DUT: variants seen among roughly 807,000 people sequenced by gnomAD.
DUT encodes the protein deoxyuridine 5'-triphosphate nucleotidohydrolase, mitochondrial.
A neutral mutation model predicts 28.8 loss-of-function variants in DUT; 21 were observed. That is an observed-to-expected ratio of 0.73 (90% confidence interval 0.52 to 1.05). The LOEUF is 1.05. DUT is among the 50% of genes least tolerant of loss of function. DUT has a pLI of 0.00. For missense variants in DUT, 344 were observed against 351.8 expected (o/e 0.98, Z 0.18); for synonymous variants, 147 against 143.7 (o/e 1.02, Z -0.17).
At chr15:48,338,571 A>T (rs749019472) in intron 4 of DUT, among the ~76,000 whole-genome samples, 1 of 152,250 alleles carries the variant, frequency 6.6e-6, no homozygotes. Context: ...TCAGGGAATG[A>T]AAAGTAAGGC....
upstream of DUT, chr15:48,331,253 A>G (rs533071103): frequency 4.6e-5 from 67 of 1,470,196 alleles, no homozygotes; most frequent in African/African-American, 8.9e-4. Context: ...TGGGGGCCAG[A>G]GCAAACAAGA....
Position 48,341,500 on chromosome 15 carries a change from ATTCT to A in DUT, c.632-8_632-5del. ...GTGTCAGTAACGTCAGTAATAAACT[ATTCT>A]TTCTTTGAAGTCAAAAAAGGTGATC... On this transcript the variant is annotated splice_polypyrimidine_tract_variant and intron_variant, in intron 5 of 6. Transcript: ENST00000331200. 6.2e-7 allele frequency: 1 copy of A among 1,612,204 alleles called. No individual in the cohort carries two copies. The highest frequency in any genetic ancestry group is 8.5e-7 in the Non-Finnish European group (1 of 1,178,778).
intron 4 of DUT, among the ~76,000 whole-genome samples, chr15:48,336,769 T>C (rs1376829520): frequency 6.6e-6 from 1 of 152,198 alleles, no homozygotes; most frequent in Non-Finnish European, 1.5e-5. Flanking sequence ...CAAGATACCT[T>C]GGCCCCCACA....
At position 48,342,878 on chromosome 15, in the gene DUT, AAT is replaced by A. The variant is rs2042556151; in HGVS notation, c.*801_*802del. 6.6e-6 allele frequency: 1 copy of A among 152,222 alleles called. No individual in the cohort carries two copies. Among genetic ancestry groups the A allele is most frequent in the Non-Finnish European group, 1.5e-5 (1 of 68,042 alleles). 9.4% of individuals were successfully genotyped at this position (152,222 alleles called of 1,614,324 possible). A position where few individuals can be genotyped will look rare whatever the true frequency, so the allele number is the denominator to read the frequency against. Reference sequence around the variant, plus strand: ...ATATGCCATTTATAGAGATAAGATAAATGAAATAATACTTCAGCCACCAGGTT... The same window carrying A: ...ATATGCCATTTATAGAGATAAGATAAGAAATAATACTTCAGCCACCAGGTT... On this transcript the variant is annotated 3_prime_UTR_variant, in exon 7 of 7. Coordinates refer to ENST00000331200, the MANE Select transcript of DUT (RefSeq NM_001025248.2).
At chr15:48,333,489 A>G (rs530013542) in intron 2 of DUT, among the ~76,000 whole-genome samples, 14 of 152,328 alleles carry the variant, frequency 9.2e-5, no homozygotes, top group South Asian at 6.2e-4. Flanking sequence ...TGAAATTGAC[A>G]TGGAAATAAT....
At chr15:48,341,484 A>C in intron 5 of DUT, 31 bp from the exon 6 acceptor site, 1 of 1,605,088 alleles carries the variant, frequency 6.2e-7, no homozygotes, top group Non-Finnish European at 8.5e-7. Context: ...TGTGTCAGTA[A>C]CGTCAGTAAT....
In DUT at chr15:48,332,368, C is replaced by T. The variant is rs776112073; in HGVS notation, c.381C>T (p.Thr127=). Residue 127 remains threonine (T), a synonymous_variant, in exon 2 of 7, where the codon ACC becomes ACT. Transcript: ENST00000331200. ...ARLSEHATAP[T]RGSARAAGYD... ...TCTCCGAGCACGCCACGGCCCCCAC[C>T]CGGGGCTCCGCGCGCGCCGCGGGCT... The T allele has an allele frequency of 6.3e-6, 10 of 1,592,400 alleles. No individual in the cohort carries two copies. The highest frequency in any genetic ancestry group is 2.2e-5 in the South Asian group (2 of 89,070).
intron 3 of DUT, among the ~76,000 whole-genome samples, chr15:48,335,647 A>G (rs529953662): frequency 6.6e-6 from 1 of 152,220 alleles, no homozygotes; most frequent in African/African-American, 2.4e-5. Flanking sequence ...CTTCTTCCTC[A>G]GTAGTGTGTT....
At chr15:48,334,378 A>G (rs771171217) in intron 2 of DUT, 39 bp from the exon 3 acceptor site, 1 of 1,341,080 alleles carries the variant, frequency 7.5e-7, no homozygotes, top group Non-Finnish European at 1.0e-6. Context: ...ACAATTTTAT[A>G]AATAGATTTG....
rs1279609706 is a variant in DUT, at chr15:48,331,586, A to C, written c.71A>C (p.Gln24Pro). The change falls in exon 1 of 7, where the codon CAA (glutamine) becomes CCA (proline). Residue 24 changes from glutamine to proline, a missense_variant. Transcript: ENST00000331200. ...ACGTCTCTGCTTCGCTCAGCGATGCAAAACGCGCGAGGCGCACGGCAGAGG... is the reference window on the plus strand; with the variant it reads ...ACGTCTCTGCTTCGCTCAGCGATGCCAAACGCGCGAGGCGCACGGCAGAGG... ...FLTSLLRSAM[Q>P]NARGARQRAE... The C allele has an allele frequency of 1.3e-6, 2 of 1,591,462 alleles. No homozygotes were observed. Among genetic ancestry groups the C allele is most frequent in the South Asian group, 2.3e-5 (2 of 87,984 alleles).
chr15:48,340,678 GC>G (rs1813047242), intron 4 of DUT, among the ~76,000 whole-genome samples: 1 of 152,284 alleles, frequency 6.6e-6, no homozygotes, highest in Admixed American at 6.5e-5. Context: ...TACTCATGAA[GC>G]CTATGTGCTA....
chr15:48,331,110 G>A, upstream of DUT: 3 of 1,253,452 alleles, frequency 2.4e-6, no homozygotes, highest in South Asian at 2.0e-5. Flanking sequence ...AACTGTCACC[G>A]GCGCCGAGAT....
At chr15:48,335,906 A>C (rs1719824090) in intron 3 of DUT, 140 bp from the exon 4 acceptor site, 2 of 670,486 alleles carry the variant, frequency 3.0e-6, no homozygotes, top group Non-Finnish European at 5.0e-6. Context: ...TATATTCTTT[A>C]ATTCAAAACC....
intron 1 of DUT, 22 bp from the exon 2 acceptor site, chr15:48,332,246 T>G (rs995585014): frequency 6.3e-7 from 1 of 1,582,886 alleles, no homozygotes; most frequent in South Asian, 1.1e-5. Context: ...GCCTTCTGGC[T>G]CTGCCATGCC....
Position 48,331,462 on chromosome 15 carries a change from C to T in DUT, c.-54C>T, listed in dbSNP as rs904904441. 1.2e-6 allele frequency: 2 copies of T among 1,600,776 alleles called. No individual in the cohort carries two copies. The highest frequency in any genetic ancestry group is 1.1e-5 in the South Asian group (1 of 89,150). On this transcript the variant is annotated 5_prime_UTR_variant, in exon 1 of 7. Coordinates refer to ENST00000331200, the MANE Select transcript of DUT (RefSeq NM_001025248.2). ...GACGGGCGCGTCTTCAGGGTGGAAG[C>T]CTGGCGCACGTCCGGAGGTGCCGAG...
At position 48,332,261 on chromosome 15, in the gene DUT, T is replaced by C; in HGVS notation, c.281-7T>C. 1.2e-6 allele frequency: 2 copies of C among 1,606,678 alleles called. No individual in the cohort carries two copies. The highest frequency in any genetic ancestry group is 1.7e-6 in the Non-Finnish European group (2 of 1,177,418). ...GCCTTCTGGCTCTGCCATGCCCTGC[T>C]CTGAAGAGACACCCGCCATTTCACC... On this transcript the variant is annotated splice_polypyrimidine_tract_variant and splice_region_variant and intron_variant, in intron 1 of 6. Coordinates refer to ENST00000331200, the MANE Select transcript of DUT (RefSeq NM_001025248.2).
intron 4 of DUT, chr15:48,341,051 C>G (rs967364584): frequency 2.9e-6 from 1 of 348,424 alleles, no homozygotes. Flanking sequence ...AGGAAATGGT[C>G]GCCATTTGAT....
intron 2 of DUT, 137 bp from the exon 3 acceptor site, chr15:48,334,280 A>G: frequency 2.0e-6 from 1 of 503,986 alleles, no homozygotes; most frequent in Non-Finnish European, 3.5e-6. Flanking sequence ...TCATCATAGC[A>G]AGGTTGATTT....
rs765527360 is a variant in DUT at position 48,331,651 on chromosome 15, G to C, written c.136G>C (p.Gly46Arg). 7 of 1,538,784 alleles carry C rather than the reference G, an allele frequency of 4.5e-6. No homozygotes were observed. In the African/African-American group the frequency reaches 9.8e-5, roughly 22 times the overall value. The change falls in exon 1 of 7, where the codon GGC becomes CGC. Residue 46 changes from glycine to arginine, a missense_variant. Transcript: ENST00000331200. ...ACTCTCCGGGCCAGGCCCGCCCCTCGGCCGCGCCGCGCAGCACGGGATTCC... is the reference window on the plus strand; with the variant it reads ...ACTCTCCGGGCCAGGCCCGCCCCTCCGCCGCGCCGCGCAGCACGGGATTCC... ...AVLSGPGPPL[G>R]RAAQHGIPRP...
Sources: allele counts gnomAD v4.1 joint callset (sites outside exome capture counted in the v4.1 genomes callset), GRCh38; gene constraint gnomAD v4.1.1; transcripts MANE v1.5; gene names NCBI Gene and HGNC (gene_info 2026-07-23, HGNC 2026-07-21).